Variants in PPP6R2 observed in about 807,000 individuals in gnomAD.
PPP6R2 encodes the protein protein phosphatase 6 regulatory subunit 2.
In PPP6R2, 62 loss-of-function variants were observed where a neutral mutation model predicts 100.2. The observed-to-expected ratio is 0.62, with a 90% CI of 0.50 to 0.76. The LOEUF (loss-of-function observed/expected upper bound fraction) is 0.76, where lower values mean the gene tolerates loss of function less well. Ranked by LOEUF, PPP6R2 falls within the 30% of genes least tolerant of loss-of-function variation. PPP6R2 has a pLI of 0.00. For synonymous variants in PPP6R2, 525 were observed against 514.7 expected, an observed-to-expected ratio of 1.02 and a Z score of -0.27; for missense variants, 1,142 against 1,276.3, an observed-to-expected ratio of 0.89 and a Z score of 1.60.
At chr22:50,393,308 G>A in intron 2 of PPP6R2, 1 of 811,978 alleles carries the variant, frequency 1.2e-6, no homozygotes, top group Non-Finnish European at 1.5e-6. Flanking sequence ...CCGGGTGGCT[G>A]GGGGAGGCAG....
chr22:50,437,830 C>G lies in PPP6R2; in HGVS notation c.1782-13C>G. The G allele has an allele frequency of 6.4e-7, 1 of 1,552,218 alleles. No individual in the cohort carries two copies. Among genetic ancestry groups the G allele is most frequent in the Non-Finnish European group, 8.7e-7 (1 of 1,147,400 alleles). On this transcript the variant is annotated splice_polypyrimidine_tract_variant and intron_variant, in intron 16 of 23. Transcript: ENST00000612753. ...CTGGAGGAACGCTGAAGCCATCCCCCTTGCTCTTGCAGTGCCCCGTTTGAC... is the reference window on the plus strand; with the variant it reads ...CTGGAGGAACGCTGAAGCCATCCCCGTTGCTCTTGCAGTGCCCCGTTTGAC...
At chr22:50,439,262 C>T (rs1435920062) in intron 19 of PPP6R2, among the ~76,000 whole-genome samples, 2 of 152,148 alleles carry the variant, frequency 1.3e-5, no homozygotes, top group African/African-American at 2.4e-5. Flanking sequence ...CTGAGCTCTT[C>T]GCTGACAGAG....
intron 1 of PPP6R2, among the ~76,000 whole-genome samples, chr22:50,346,820 C>G (rs1402357772): frequency 8.4e-6 from 1 of 119,560 alleles, no homozygotes; most frequent in African/African-American, 3.1e-5. Context: ...CCCCCGTCAG[C>G]CAGTGCCCCC....
intron 1 of PPP6R2, among the ~76,000 whole-genome samples, chr22:50,360,373 G>C (rs1320999947): frequency 7.0e-6 from 1 of 143,226 alleles, no homozygotes; most frequent in Admixed American, 7.1e-5. Flanking sequence ...TTTTTTAAGA[G>C]AGACAGGGTC....
the PPP6R2 span, among the ~76,000 whole-genome samples, chr22:50,336,678 G>A: frequency 6.6e-6 from 1 of 152,076 alleles, no homozygotes; most frequent in African/African-American, 2.4e-5. Flanking sequence ...ATAGGTGTAA[G>A]CCACCACACC....
At position 50,438,728 on chromosome 22, in the gene PPP6R2, G is replaced by T. The variant is rs775227980; in HGVS notation, c.2094G>T (p.Lys698Asn). 4 of 1,609,988 alleles carry T rather than the reference G, an allele frequency of 2.5e-6. No homozygotes were observed. Among genetic ancestry groups the T allele is most frequent in the Non-Finnish European group, 3.4e-6 (4 of 1,178,248 alleles). The change falls in exon 19 of 24, where the codon AAG (lysine) becomes AAT (asparagine). Residue 698 changes from lysine to asparagine, a missense_variant. This residue lies in a region of PPP6R2 where 550 missense variants were observed against 517.4 expected (regional missense o/e 1.06). Transcript: ENST00000612753. Reference protein sequence around the residue: ...PGAGAPPAPGKKEAPPVEGDS... With the variant: ...PGAGAPPAPGNKEAPPVEGDS... ...CAGGTGCCCCACCGGCCCCCGGGAA[G>T]AAGGAAGCGCCCCCTGTGGAGGGTG...
At chr22:50,346,271 T>TC (rs2043658881) in intron 1 of PPP6R2, among the ~76,000 whole-genome samples, 1 of 34,696 alleles carries the variant, frequency 2.9e-5, no homozygotes, top group Non-Finnish European at 5.2e-5. Flanking sequence ...CCTAGTCAGT[T>TC]CCCCCCAGTC....
At chr22:50,370,337 G>C (rs1258401612) in intron 1 of PPP6R2, among the ~76,000 whole-genome samples, 1 of 152,186 alleles carries the variant, frequency 6.6e-6, no homozygotes, top group African/African-American at 2.4e-5. Flanking sequence ...ACCAGGGCTG[G>C]AGTGCAATGG....
Position 50,426,910 on chromosome 22 carries a change from C to T in PPP6R2, c.1125+3296C>T, listed in dbSNP as rs560187908. On this transcript the variant is annotated intron_variant, in intron 10 of 23. Coordinates refer to ENST00000612753, the MANE Select transcript of PPP6R2 (RefSeq NM_001242898.2). ...AATTGTTAAAAACCAGCTGGCCGGC[C>T]GGGCGCAGTGGCTCATGCCTGTAAT... Among the ~76,000 whole-genome samples the T allele has an allele frequency of 9.9e-5, 15 of 151,034 alleles. No individual in the cohort carries two copies. The South Asian group carries it at 1.5e-3, about 15-fold the overall frequency.
At position 50,440,968 on chromosome 22, in the gene PPP6R2, C is replaced by A; in HGVS notation, c.2521C>A (p.Pro841Thr). 1 of 1,612,018 alleles carries A rather than the reference C, an allele frequency of 6.2e-7. No homozygotes were observed. Among genetic ancestry groups the A allele is most frequent in the Non-Finnish European group, 8.5e-7 (1 of 1,179,030 alleles). ...TGCCATGGATGCGGTGAGCAGGGGT[C>A]CCGGCCGGGAGGCCCCCCCGCTGCC... ...ASAMDAVSRG[P>T]GREAPPLPTV... The change falls in exon 22 of 24, where the codon CCC (proline) becomes ACC (threonine). Residue 841 changes from proline (P) to threonine (T), a missense_variant. By Grantham distance (38) the Pro-to-Thr change is conservative (BLOSUM62 -1). Around this residue, in one of 2 missense-constraint regions of PPP6R2, gnomAD observed 550 missense variants for 517.4 expected, o/e 1.06. Coordinates refer to ENST00000612753, the MANE Select transcript of PPP6R2 (RefSeq NM_001242898.2).
chr22:50,429,897 C>T (rs551627657), intron 10 of PPP6R2, among the ~76,000 whole-genome samples: 43 of 152,316 alleles, frequency 2.8e-4, no homozygotes, highest in African/African-American at 9.9e-4. Flanking sequence ...TTTAGGACTA[C>T]GTTTCTGTGG....
intron 3 of PPP6R2, among the ~76,000 whole-genome samples, chr22:50,396,195 CAAAAAA>C (rs528437459): frequency 5.8e-5 from 3 of 51,614 alleles, no homozygotes; most frequent in African/African-American, 8.3e-5. Context: ...GACTCTGGCT[CAAAAAA>C]AAAAAAAAAA....
At chr22:50,339,572 AGTG>A (rs1279623252), upstream of PPP6R2, among the ~76,000 whole-genome samples, 1 of 35,294 alleles carries the variant, frequency 2.8e-5, no homozygotes, top group Non-Finnish European at 5.6e-5. Flanking sequence ...TGTGGTATGT[AGTG>A]TGTGTGTGGT....
rs1342120955 is a variant in PPP6R2 at position 50,443,954 on chromosome 22, G to A, written c.2668G>A (p.Glu890Lys). 1.1e-5 allele frequency: 18 copies of A among 1,611,172 alleles called. No homozygotes were observed. Among genetic ancestry groups the A allele is most frequent in the East Asian group, 2.2e-5 (1 of 44,782 alleles). The change falls in exon 23 of 24, where the codon GAG becomes AAG. Residue 890 changes from glutamate to lysine, a missense_variant. Around this residue, in one of 2 missense-constraint regions of PPP6R2, gnomAD observed 550 missense variants for 517.4 expected, o/e 1.06. Coordinates refer to ENST00000612753, the MANE Select transcript of PPP6R2 (RefSeq NM_001242898.2). Reference sequence around the variant, plus strand: ...TGCCCCAGCCGTGGCTGTGCCCCCCGAGGCTACTGTGGCCATCACCACAGC... The same window carrying A: ...TGCCCCAGCCGTGGCTGTGCCCCCCAAGGCTACTGTGGCCATCACCACAGC... ...TAAPAVAVPP[E>K]ATVAITTALS...
At chr22:50,439,289 G>A (rs5770908) in intron 19 of PPP6R2, among the ~76,000 whole-genome samples, 46,352 of 152,044 alleles carry the variant, frequency 0.3, 7,987 homozygotes, top group East Asian at 0.65. Context: ...TGACACCCTG[G>A]GGAAGCAGGA....
chr22:50,399,880 T>A (rs2057740417), intron 3 of PPP6R2, among the ~76,000 whole-genome samples: 1 of 152,256 alleles, frequency 6.6e-6, no homozygotes, highest in Admixed American at 6.5e-5. Flanking sequence ...GCAGCAGCAG[T>A]CACATGGTCA....
chr22:50,333,583 C>G, the PPP6R2 span, among the ~76,000 whole-genome samples: 1 of 152,138 alleles, frequency 6.6e-6, no homozygotes, highest in Non-Finnish European at 1.5e-5. Context: ...CCGCCCACCT[C>G]GGCCTCCCAA....
At position 50,435,854 on chromosome 22, in the gene PPP6R2, G is replaced by A. The variant is rs374548253; in HGVS notation, c.1517-513G>A. On this transcript the variant is annotated intron_variant, in intron 13 of 23. Transcript: ENST00000612753. ...CAGGGGCAGTTTAAGGAGGCGAGGGGCAAGCAGGAAGCTGTTGGATCATTC... is the reference window on the plus strand; with the variant it reads ...CAGGGGCAGTTTAAGGAGGCGAGGGACAAGCAGGAAGCTGTTGGATCATTC... Among the ~76,000 whole-genome samples the A allele has an allele frequency of 2.2e-4, 33 of 152,308 alleles. No individual in the cohort carries two copies. The South Asian group carries it at 6.6e-3, about 31-fold the overall frequency.
At chr22:50,358,162 C>G (rs2047010857) in intron 1 of PPP6R2, among the ~76,000 whole-genome samples, 1 of 151,518 alleles carries the variant, frequency 6.6e-6, no homozygotes, top group Admixed American at 6.6e-5. Context: ...CTCTGCGTAG[C>G]CCAGGGTGTT....
Sources: allele counts gnomAD v4.1 joint callset (sites outside exome capture counted in the v4.1 genomes callset), GRCh38; gene constraint gnomAD v4.1.1; regional missense constraint gnomAD v4.1.1; transcripts MANE v1.5; gene names NCBI Gene and HGNC (gene_info 2026-07-23, HGNC 2026-07-21).